HHAT: variants seen among roughly 807,000 people sequenced by gnomAD.
HHAT encodes hedgehog acyltransferase.
Under a neutral mutation model 70.8 loss-of-function variants are expected in HHAT, and 47 were observed. The observed-to-expected ratio is 0.66, with a 90% CI of 0.53 to 0.85. The LOEUF is 0.85. Among genes scored for constraint, HHAT ranks in the 40% least tolerant of loss-of-function variants. The pLI, the probability that HHAT is intolerant of heterozygous loss-of-function variation, is 0.00. For missense variants in HHAT, 609 were observed against 604.8 expected (o/e 1.01, Z -0.07); for synonymous variants, 228 against 247.6 (o/e 0.92, Z 0.74).
intron 10 of HHAT, among the ~76,000 whole-genome samples, chr1:210,621,633 C>G (rs149515862): frequency 6.6e-6 from 1 of 152,074 alleles, no homozygotes; most frequent in South Asian, 2.1e-4. Context: ...TAAGCCTGCT[C>G]CTTCCCCATT....
At chr1:210,411,552 G>A (rs958638049) in intron 6 of HHAT, among the ~76,000 whole-genome samples, 1 of 151,842 alleles carries the variant, frequency 6.6e-6, no homozygotes, top group African/African-American at 2.4e-5. Context: ...CCAGGAGTTC[G>A]AGACCAGCCT....
chr1:210,619,274 C>T (rs1480901754), intron 10 of HHAT, among the ~76,000 whole-genome samples: 1 of 152,152 alleles, frequency 6.6e-6, no homozygotes, highest in African/African-American at 2.4e-5. Flanking sequence ...ATGAGCCCCA[C>T]CTCCCATTCT....
chr1:210,429,288 G>C (rs997132996), intron 7 of HHAT, among the ~76,000 whole-genome samples: 2 of 151,612 alleles, frequency 1.3e-5, no homozygotes, highest in Non-Finnish European at 2.9e-5. Flanking sequence ...CTAATATCTA[G>C]TCTGTCTTCA....
intron 9 of HHAT, among the ~76,000 whole-genome samples, chr1:210,524,451 C>T (rs1318219278): frequency 6.6e-6 from 1 of 152,004 alleles, no homozygotes; most frequent in East Asian, 1.9e-4. Context: ...ACTGTTCAAG[C>T]CAGAGGGAAG....
intron 3 of HHAT, chr1:210,374,006 A>G (rs1330576808): frequency 6.6e-6 from 1 of 152,252 alleles, no homozygotes; most frequent in African/African-American, 2.4e-5. Flanking sequence ...TCATGCAAGT[A>G]TTCAGACCTT....
chr1:210,578,537 A>G (rs967505240), intron 9 of HHAT, among the ~76,000 whole-genome samples: 3 of 152,252 alleles, frequency 2.0e-5, no homozygotes, highest in African/African-American at 7.2e-5. Context: ...TCATTTCAGC[A>G]TTATTCACAA....
At chr1:210,338,046 TGACAGGCAGAGGATCTGGGG>T (rs2085665436) in intron 1 of HHAT, among the ~76,000 whole-genome samples, 2 of 152,286 alleles carry the variant, frequency 1.3e-5, no homozygotes, top group East Asian at 3.9e-4. Flanking sequence ...CAGAGTCAAC[TGACAGGCAGAGGATCTGGGG>T]ACAGGCATGG....
At chr1:210,487,705 G>A (rs1316901027) in intron 8 of HHAT, among the ~76,000 whole-genome samples, 3 of 152,154 alleles carry the variant, frequency 2.0e-5, no homozygotes, top group African/African-American at 7.2e-5. Flanking sequence ...CATAGGAAAT[G>A]TTCTTTTACC....
At chr1:210,583,947 A>ATTTTTTTTTTTTTTTTTTTTTTTTTTT in intron 9 of HHAT, among the ~76,000 whole-genome samples, 1 of 88,992 alleles carries the variant, frequency 1.1e-5, no homozygotes, top group Non-Finnish European at 2.0e-5. Flanking sequence ...AGTGCAGCTA[A>ATTTTTTTTTTTTTTTTTTTTTTTTTTT]TTTTTTTTTT....
At chr1:210,651,624 G>A (rs368254559) in intron 11 of HHAT, among the ~76,000 whole-genome samples, 5 of 152,220 alleles carry the variant, frequency 3.3e-5, no homozygotes, top group African/African-American at 4.8e-5. Context: ...GAGAGTGTCG[G>A]TAGAAGCTGG....
In HHAT at chr1:210,674,331, C is replaced by G; in HGVS notation, c.1434C>G (p.Cys478Trp). Reference sequence around the variant, plus strand: ...TCTCTGTCCTGGGATTCCTGTACTGCTACTCCCACGTGGGCATTGCCTGGG... The same window carrying G: ...TCTCTGTCCTGGGATTCCTGTACTGGTACTCCCACGTGGGCATTGCCTGGG... ...VTLSVLGFLY[C>W]YSHVGIAWAQ... Residue 478 changes from cysteine to tryptophan, a missense_variant, in exon 12 of 12, where the codon TGC becomes TGG. Transcript: ENST00000261458. 1 of 1,614,182 alleles carries G rather than the reference C, an allele frequency of 6.2e-7. No homozygotes were observed. Among genetic ancestry groups the G allele is most frequent in the Non-Finnish European group, 8.5e-7 (1 of 1,180,012 alleles).
At chr1:210,485,626 G>A (rs938154891) in intron 8 of HHAT, among the ~76,000 whole-genome samples, 2 of 152,108 alleles carry the variant, frequency 1.3e-5, no homozygotes, top group African/African-American at 4.8e-5. Flanking sequence ...TGGCTGGGGA[G>A]GCCTCACAAT....
At chr1:210,616,449 A>T (rs1667755738) in intron 10 of HHAT, among the ~76,000 whole-genome samples, 1 of 152,130 alleles carries the variant, frequency 6.6e-6, no homozygotes. Context: ...CTCCTACTAT[A>T]CTTGTGGATC....
chr1:210,570,230 C>T (rs1256573947), intron 9 of HHAT, among the ~76,000 whole-genome samples: 1 of 152,106 alleles, frequency 6.6e-6, no homozygotes, highest in Non-Finnish European at 1.5e-5. Context: ...AATTACACCC[C>T]TAGGAAGTAT....
At position 210,675,268 on chromosome 1, in the gene HHAT, G is replaced by A. The variant is rs564984460; in HGVS notation, c.*889G>A. The A allele has an allele frequency of 1.4e-4, 22 of 152,188 alleles. No homozygotes were observed. Among genetic ancestry groups the A allele is most frequent in the African/African-American group, 5.3e-4 (22 of 41,528 alleles). 9.4% of individuals were successfully genotyped at this position (152,188 alleles called of 1,614,324 possible). A position where few individuals can be genotyped will look rare whatever the true frequency, so the allele number is the denominator to read the frequency against. ...CACGTTTAGTGGTTTATATTATTAA[G>A]GTTTGATTCAAACAGAGCCTTTTCT... On this transcript the variant is annotated 3_prime_UTR_variant, in exon 12 of 12. Transcript: ENST00000261458.
chr1:210,376,771 C>A (rs1291651388), intron 3 of HHAT, among the ~76,000 whole-genome samples: 1 of 152,196 alleles, frequency 6.6e-6, no homozygotes, highest in African/African-American at 2.4e-5. Context: ...GGGAGAACTC[C>A]AGCATAGTTC....
chr1:210,474,768 T>A lies in HHAT; in HGVS notation c.1007+10113T>A, dbSNP rs576189652. On this transcript the variant is annotated intron_variant, in intron 8 of 11. Transcript: ENST00000261458. ...TGACGAGGAGGGAAATGTGGTGAACTTGCCTGGTTGGAGTCCACACTTCTT... is the reference window on the plus strand; with the variant it reads ...TGACGAGGAGGGAAATGTGGTGAACATGCCTGGTTGGAGTCCACACTTCTT... Among the ~76,000 whole-genome samples, 10 of 152,148 alleles carry A rather than the reference T, an allele frequency of 6.6e-5. No individual in the cohort carries two copies. In the East Asian group the frequency reaches 1.9e-3, roughly 29 times the overall value.
At position 210,434,696 on chromosome 1, in the gene HHAT, T is replaced by C. The variant is rs75031060; in HGVS notation, c.856+16371T>C. ...TATCCTACAACTGTGGGCTCAGTTG[T>C]AGAGTTAGCTACCATTGACACCTTT... On this transcript the variant is annotated intron_variant, in intron 7 of 11. Transcript: ENST00000261458. Among the ~76,000 whole-genome samples, 390 of 151,812 alleles carry C rather than the reference T, an allele frequency of 2.6e-3. 11 individuals are homozygous for C. The South Asian group carries it at 0.058, about 23-fold the overall frequency.
chr1:210,365,030 C>T (rs1008386192), intron 3 of HHAT, among the ~76,000 whole-genome samples: 13 of 152,058 alleles, frequency 8.5e-5, no homozygotes, highest in Non-Finnish European at 1.5e-4. Flanking sequence ...TGGTTTGGAG[C>T]CCTAGAATTT....
Sources: gnomAD v4.1 joint callset for allele counts (sites outside exome capture counted in the v4.1 genomes callset) on GRCh38, gnomAD v4.1.1 for gene constraint, MANE v1.5 for transcripts, NCBI Gene and HGNC (gene_info 2026-07-23, HGNC 2026-07-21) for gene names.